MTBP: variants seen among roughly 807,000 people sequenced by gnomAD.
MTBP encodes MDM2 binding protein.
A neutral mutation model predicts 117.0 loss-of-function variants in MTBP; 101 were observed. The ratio of observed to expected loss-of-function variants is 0.86; its 90% confidence interval spans 0.73 to 1.02. The LOEUF (loss-of-function observed/expected upper bound fraction) is 1.02. Ranked by LOEUF, MTBP falls within the 50% of genes least tolerant of loss-of-function variation. The probability of loss-of-function intolerance (pLI) is 0.00; values close to 1 mark genes in which losing one functional copy is unlikely to be tolerated. For synonymous variants in MTBP, 350 were observed against 351.5 expected (o/e 1.00, Z 0.05); for missense variants, 970 against 1,030.9 (o/e 0.94, Z 0.81).
At chr8:120,450,980 A>G (rs781707119) in intron 2 of MTBP, 23 bp from the exon 3 acceptor site, 13 of 1,579,598 alleles carry the variant, frequency 8.2e-6, no homozygotes, top group Non-Finnish European at 1.1e-5. Context: ...CCTTTTTAAT[A>G]ATAATGTGGT....
chr8:120,459,375 G>A (rs771776929), intron 8 of MTBP, 26 bp downstream of exon 8: 3 of 1,578,310 alleles, frequency 1.9e-6, no homozygotes, highest in Admixed American at 3.7e-5. Context: ...TTTTTTGTGT[G>A]ATCATTCATG....
Position 120,463,762 on chromosome 8 carries a change from G to A in MTBP, c.1047+1G>A. The A allele has an allele frequency of 6.2e-7, 1 of 1,609,838 alleles. No individual in the cohort carries two copies. The highest frequency in any genetic ancestry group is 1.1e-5 in the South Asian group (1 of 90,482). Reference sequence around the variant, plus strand: ...GCAGATTTCTTCTCTGTGTAGCAAGGTATTGAGGGTTTCTTGGGGGTTTTT... The same window carrying A: ...GCAGATTTCTTCTCTGTGTAGCAAGATATTGAGGGTTTCTTGGGGGTTTTT... On this transcript the variant is annotated splice_donor_variant, in intron 10 of 21. Transcript: ENST00000305949. LOFTEE classifies it high-confidence loss of function.
intron 14 of MTBP, among the ~76,000 whole-genome samples, chr8:120,498,231 AT>A (rs1318593884): frequency 1.3e-5 from 2 of 152,110 alleles, no homozygotes; most frequent in Non-Finnish European, 2.9e-5. Context: ...ACTTACTAGG[AT>A]TATTGTGAGG....
At chr8:120,450,932 C>T (rs117779254) in intron 2 of MTBP, 71 bp from the exon 3 acceptor site, 76 of 1,000,396 alleles carry the variant, frequency 7.6e-5, no homozygotes, top group East Asian at 2.2e-4. Context: ...TCTGTAAGTA[C>T]GGTATATATG....
At chr8:120,523,105 T>TACTCA (rs1815033260) in intron 21 of MTBP, among the ~76,000 whole-genome samples, 193 bp from the exon 22 acceptor site, 1 of 152,172 alleles carries the variant, frequency 6.6e-6, no homozygotes, top group African/African-American at 2.4e-5. Flanking sequence ...AACATTATTG[T>TACTCA]ACTCAGTATT....
At chr8:120,494,446 G>A (rs903499029) in intron 13 of MTBP, among the ~76,000 whole-genome samples, 1 of 152,150 alleles carries the variant, frequency 6.6e-6, no homozygotes, top group Non-Finnish European at 1.5e-5. Flanking sequence ...GCTTCAAGTG[G>A]CAAACAGCAA....
intron 11 of MTBP, chr8:120,471,884 C>T (rs1239545230): frequency 6.6e-6 from 1 of 152,022 alleles, no homozygotes; most frequent in African/African-American, 2.4e-5. Flanking sequence ...ATGTCTTTAT[C>T]CAAATGAAAA....
chr8:120,497,613 T>C, intron 14 of MTBP, 59 bp downstream of exon 14: 1 of 990,242 alleles, frequency 1.0e-6, no homozygotes, highest in Non-Finnish European at 1.5e-6. Flanking sequence ...ATGACATTTA[T>C]TATTAAAACT....
chr8:120,504,779 AT>A (rs1346750182), intron 15 of MTBP, among the ~76,000 whole-genome samples: 2 of 151,322 alleles, frequency 1.3e-5, no homozygotes, highest in Non-Finnish European at 2.9e-5. Flanking sequence ...ATGTTTTTTA[AT>A]TTGATTTTTT....
At position 120,459,358 on chromosome 8, in the gene MTBP, G is replaced by T; in HGVS notation, c.882+9G>T. On this transcript the variant is annotated intron_variant, in intron 8 of 21. Coordinates refer to ENST00000305949, the MANE Select transcript of MTBP (RefSeq NM_022045.5). ...AGAATATTTTGCCAAAGGTAATCGT[G>T]TTTAATTTTTTTGTGTGATCATTCA... The T allele has an allele frequency of 6.3e-7, 1 of 1,584,882 alleles. No homozygotes were observed. The highest frequency in any genetic ancestry group is 1.4e-5 in the African/African-American group (1 of 73,364).
Position 120,464,101 on chromosome 8 carries a change from A to G in MTBP, c.1047+340A>G, listed in dbSNP as rs116112438. ...TGCGATTTCAATTTTATGAGAAGAC[A>G]TTCATATACTTGCATTCTTTTTCTC... On this transcript the variant is annotated intron_variant, in intron 10 of 21. Coordinates refer to ENST00000305949, the MANE Select transcript of MTBP (RefSeq NM_022045.5). Among the ~76,000 whole-genome samples, 390 of 152,172 alleles carry G rather than the reference A, an allele frequency of 2.6e-3. 1 individual carries two copies. Among genetic ancestry groups the G allele is most frequent in the African/African-American group, 9.2e-3 (383 of 41,566 alleles).
At chr8:120,518,348 G>A (rs149076339) in intron 19 of MTBP, among the ~76,000 whole-genome samples, 18 of 151,990 alleles carry the variant, frequency 1.2e-4, no homozygotes, top group African/African-American at 3.1e-4. Context: ...TATTCTGTGC[G>A]TGTCAAATAT....
chr8:120,463,290 A>G (rs911443668), intron 9 of MTBP, among the ~76,000 whole-genome samples: 4 of 152,196 alleles, frequency 2.6e-5, no homozygotes, highest in African/African-American at 9.7e-5. Flanking sequence ...TATATTCAAC[A>G]TATTTTAAAC....
At chr8:120,467,537 C>T (rs1813724319) in intron 10 of MTBP, among the ~76,000 whole-genome samples, 1 of 152,046 alleles carries the variant, frequency 6.6e-6, no homozygotes, top group Non-Finnish European at 1.5e-5. Context: ...ACCAGGGAGG[C>T]AGAGGTTGCA....
At chr8:120,513,462 CCTCT>C (rs781554023) in intron 17 of MTBP, among the ~76,000 whole-genome samples, 1 of 151,972 alleles carries the variant, frequency 6.6e-6, no homozygotes, top group Non-Finnish European at 1.5e-5. Flanking sequence ...CTGCCCCTTG[CCTCT>C]CTGTTTCTTT....
intron 4 of MTBP, 33 bp from the exon 5 acceptor site, chr8:120,453,814 G>T: frequency 8.4e-7 from 1 of 1,195,902 alleles, no homozygotes; most frequent in Non-Finnish European, 1.2e-6. Context: ...TATTTATGGG[G>T]TTTTCTTTCC....
At chr8:120,469,588 G>A (rs551984941) in intron 10 of MTBP, among the ~76,000 whole-genome samples, 3 of 152,258 alleles carry the variant, frequency 2.0e-5, no homozygotes, top group African/African-American at 2.4e-5. Context: ...GGCCAAATGC[G>A]TTGATGTTGC....
intron 2 of MTBP, 125 bp from the exon 3 acceptor site, chr8:120,450,878 A>G: frequency 1.7e-6 from 1 of 601,118 alleles, no homozygotes; most frequent in Non-Finnish European, 2.8e-6. Flanking sequence ...AAAGATCCAC[A>G]TATGTATGTT....
In MTBP at chr8:120,488,147, GT is replaced by G. The variant is rs1409950299; in HGVS notation, c.1166-7del. The G allele has an allele frequency of 6.4e-7, 1 of 1,574,544 alleles. No homozygotes were observed. The highest frequency in any genetic ancestry group is 8.6e-7 in the Non-Finnish European group (1 of 1,164,276). ...TTTTCACATACTTAACAAGATAATTGTTTTTGTTTAGTTCCAGATGTTGAAG... is the reference window on the plus strand; with the variant it reads ...TTTTCACATACTTAACAAGATAATTGTTTTGTTTAGTTCCAGATGTTGAAG... On this transcript the variant is annotated splice_polypyrimidine_tract_variant and intron_variant, in intron 11 of 21. Transcript: ENST00000305949.
Sources: gnomAD v4.1 joint callset for allele counts (sites outside exome capture counted in the v4.1 genomes callset) on GRCh38, gnomAD v4.1.1 for gene constraint, MANE v1.5 for transcripts, NCBI Gene and HGNC (gene_info 2026-07-23, HGNC 2026-07-21) for gene names.